CTCF: variants seen among roughly 807,000 people sequenced by gnomAD.
CTCF encodes the protein CCCTC-binding factor, also known as transcriptional repressor CTCF.
Under a neutral mutation model 72.3 loss-of-function variants are expected in CTCF, and 7 were observed. The observed-to-expected ratio is 0.10, with a 90% CI of 0.06 to 0.18. The LOEUF is 0.18. Ranked by LOEUF, CTCF falls within the 10% of genes least tolerant of loss-of-function variation. The pLI is 1.00. For missense variants in CTCF, 516 were observed against 949.1 expected, an observed-to-expected ratio of 0.54 and a Z score of 6.00; for synonymous variants, 374 against 315.8, an observed-to-expected ratio of 1.18 and a Z score of -1.95.
chr16:67,601,778 A>G (rs998619841), intron 2 of CTCF, among the ~76,000 whole-genome samples: 7 of 150,368 alleles, frequency 4.7e-5, no homozygotes, highest in African/African-American at 9.8e-5. Flanking sequence ...GTTGGTTTCT[A>G]TTTGTACTCT....
chr16:67,563,957 T>C (rs953625611), intron 1 of CTCF: 3 of 152,322 alleles, frequency 2.0e-5, no homozygotes, highest in East Asian at 1.9e-4. Flanking sequence ...GATGTTGTAA[T>C]TGAATCCTGG....
chr16:67,602,459 C>A (rs944497094), intron 2 of CTCF, among the ~76,000 whole-genome samples: 1 of 152,082 alleles, frequency 6.6e-6, no homozygotes, highest in African/African-American at 2.4e-5. Flanking sequence ...TTGTATGTTC[C>A]CTAGCTCCAG....
chr16:67,597,959 G>C (rs968688481), intron 2 of CTCF, among the ~76,000 whole-genome samples: 3 of 151,838 alleles, frequency 2.0e-5, no homozygotes, highest in Admixed American at 2.0e-4. Context: ...GGGAAGGGTT[G>C]TTTTCTTTTT....
At chr16:67,629,635 ACT>A in intron 10 of CTCF, 102 bp downstream of exon 10, 1 of 1,161,134 alleles carries the variant, frequency 8.6e-7, no homozygotes, top group Non-Finnish European at 1.2e-6. Flanking sequence ...GCGGGCACAC[ACT>A]CTTCCTTTCT....
At chr16:67,569,327 A>G (rs1282254379) in intron 1 of CTCF, among the ~76,000 whole-genome samples, 1 of 152,012 alleles carries the variant, frequency 6.6e-6, no homozygotes, top group Non-Finnish European at 1.5e-5. Flanking sequence ...CTGGGTTTAC[A>G]GGCCTGCACC....
Position 67,604,741 on chromosome 16 carries a change from T to TG in CTCF, c.-9-6083_-9-6082insG, listed in dbSNP as rs1296549840. ...TTAATTTCACCAGGGTTTTTTTTTT[T>TG]TTTGTTTTTTGTTTTTTTTTTTTAC... On this transcript the variant is annotated intron_variant, in intron 2 of 11. Transcript: ENST00000264010. Among the ~76,000 whole-genome samples, 280 of 128,144 alleles carry TG rather than the reference T, an allele frequency of 2.2e-3. 3 individuals are homozygous for TG. Among genetic ancestry groups the TG allele is most frequent in the African/African-American group, 8.8e-3 (224 of 25,498 alleles). 84.1% of individuals were successfully genotyped at this position (128,144 alleles called of 152,430 possible). A position where few individuals can be genotyped will look rare whatever the true frequency, so the allele number is the denominator to read the frequency against.
chr16:67,589,929 A>T (rs1018848739), intron 2 of CTCF, among the ~76,000 whole-genome samples: 6 of 152,110 alleles, frequency 3.9e-5, no homozygotes, highest in Admixed American at 3.9e-4. Flanking sequence ...TCTACTAAAA[A>T]TACAAAAATT....
At chr16:67,574,650 CTTTT>C (rs1162960134) in intron 2 of CTCF, among the ~76,000 whole-genome samples, 6 of 96,966 alleles carry the variant, frequency 6.2e-5, no homozygotes, top group Admixed American at 3.3e-4. Context: ...CCAAAAGCAT[CTTTT>C]TTTTTTTTTT....
intron 2 of CTCF, among the ~76,000 whole-genome samples, chr16:67,598,409 TTA>T (rs1388069204): frequency 6.6e-6 from 1 of 152,224 alleles, no homozygotes; most frequent in East Asian, 1.9e-4. Context: ...ACTTTCAAGT[TTA>T]TAGCCCATCT....
At chr16:67,609,096 C>G (rs561066747) in intron 2 of CTCF, among the ~76,000 whole-genome samples, 2 of 152,180 alleles carry the variant, frequency 1.3e-5, no homozygotes, top group East Asian at 3.9e-4. Flanking sequence ...GGCACAGTGG[C>G]TCAGTCACAT....
chr16:67,575,749 G>A (rs566875784), intron 2 of CTCF, among the ~76,000 whole-genome samples: 3 of 152,070 alleles, frequency 2.0e-5, no homozygotes, highest in Non-Finnish European at 4.4e-5. Context: ...AGCCAAGTTG[G>A]TTATTGTATA....
intron 2 of CTCF, among the ~76,000 whole-genome samples, chr16:67,593,731 G>A (rs1029223622): frequency 6.6e-6 from 1 of 152,072 alleles, no homozygotes; most frequent in African/African-American, 2.4e-5. Context: ...AATAAGTTGG[G>A]GTTTTTAGCA....
chr16:67,580,877 A>G, intron 2 of CTCF, among the ~76,000 whole-genome samples: 1 of 150,266 alleles, frequency 6.7e-6, no homozygotes, highest in East Asian at 2.0e-4. Context: ...CGGCCTCCCA[A>G]AGTGCTGGGA....
chr16:67,584,339 T>TC (rs1354500507), intron 2 of CTCF, among the ~76,000 whole-genome samples: 22 of 111,718 alleles, frequency 2.0e-4, no homozygotes, highest in Admixed American at 8.1e-4. Flanking sequence ...AAAGTCTTCT[T>TC]TTTTTTTTTT....
chr16:67,577,225 T>C (rs2051509437), intron 2 of CTCF, among the ~76,000 whole-genome samples: 1 of 151,836 alleles, frequency 6.6e-6, no homozygotes, highest in Non-Finnish European at 1.5e-5. Flanking sequence ...GACACCATCC[T>C]GGCTAACACA....
At chr16:67,625,925 C>T (rs954727686) in intron 7 of CTCF, among the ~76,000 whole-genome samples, 2 of 151,506 alleles carry the variant, frequency 1.3e-5, no homozygotes, top group African/African-American at 4.9e-5. Context: ...CTGATACCTA[C>T]TTTATTCTTC....
At chr16:67,635,969 C>T (rs2052422995) in intron 10 of CTCF, among the ~76,000 whole-genome samples, 1 of 152,000 alleles carries the variant, frequency 6.6e-6, no homozygotes, top group Non-Finnish European at 1.5e-5. Flanking sequence ...TGCTGGCTCA[C>T]ACCTGTAATC....
chr16:67,638,052 G>A lies in CTCF; in HGVS notation c.*180G>A, dbSNP rs900901692. Reference sequence around the variant, plus strand: ...AAATGTGATTTAACTAGAACTTGCTGTCTGATGTTAGCAAATCATGGAATG... The same window carrying A: ...AAATGTGATTTAACTAGAACTTGCTATCTGATGTTAGCAAATCATGGAATG... On this transcript the variant is annotated 3_prime_UTR_variant, in exon 12 of 12. Transcript: ENST00000264010. 29 of 588,554 alleles carry A rather than the reference G, an allele frequency of 4.9e-5. No homozygotes were observed. The highest frequency in any genetic ancestry group is 4.5e-4 in the Middle Eastern group (1 of 2,214). 36.5% of individuals were successfully genotyped at this position (588,554 alleles called of 1,614,324 possible).
chr16:67,622,569 C>T (rs1162426750), intron 7 of CTCF, among the ~76,000 whole-genome samples: 4 of 151,876 alleles, frequency 2.6e-5, no homozygotes, highest in Non-Finnish European at 5.9e-5. Context: ...AGGTGTGCTC[C>T]AGTTCTTTAT....
Sources: gnomAD v4.1 joint callset for allele counts (sites outside exome capture counted in the v4.1 genomes callset) on GRCh38, gnomAD v4.1.1 for gene constraint, MANE v1.5 for transcripts, NCBI Gene and HGNC (gene_info 2026-07-23, HGNC 2026-07-21) for gene names.